The following GPC6 variants were observed in gnomAD, a reference collection of about 807,000 sequenced individuals.
GPC6 encodes the protein glypican 6.
GPC6 carries 14 observed loss-of-function variants against 55.2 expected under a neutral mutation model. The ratio of observed to expected loss-of-function variants is 0.25; its 90% CI spans 0.17 to 0.40. GPC6 has a LOEUF of 0.40. Among genes scored for constraint, GPC6 ranks in the 10% least tolerant of loss-of-function variants. The pLI is 1.00. For missense variants in GPC6, 641 were observed against 708.5 expected (o/e 0.90, Z 1.08); for synonymous variants, 278 against 259.6 (o/e 1.07, Z -0.68).
chr13:93,637,903 A>T (rs1879763858), intron 2 of GPC6, among the ~76,000 whole-genome samples: 1 of 152,156 alleles, frequency 6.6e-6, no homozygotes, highest in Non-Finnish European at 1.5e-5. Flanking sequence ...CATATTAGAG[A>T]TGACAAATGG....
chr13:94,088,330 T>C (rs1318487556), intron 4 of GPC6, among the ~76,000 whole-genome samples: 2 of 152,132 alleles, frequency 1.3e-5, no homozygotes, highest in African/African-American at 4.8e-5. Context: ...AATTTAATTA[T>C]TCTTGCATAG....
At chr13:94,221,590 T>C (rs548951811) in intron 4 of GPC6, among the ~76,000 whole-genome samples, 2 of 152,246 alleles carry the variant, frequency 1.3e-5, no homozygotes, top group African/African-American at 4.8e-5. Context: ...GCAGTATGAT[T>C]GCTTTTCAGT....
chr13:93,751,846 TC>T (rs1884604026), intron 2 of GPC6, among the ~76,000 whole-genome samples: 1 of 152,070 alleles, frequency 6.6e-6, no homozygotes, highest in Non-Finnish European at 1.5e-5. Flanking sequence ...TTTCTCTTCC[TC>T]CCCCATTGGC....
At chr13:94,188,468 A>G (rs987399405) in intron 4 of GPC6, among the ~76,000 whole-genome samples, 1 of 152,230 alleles carries the variant, frequency 6.6e-6, no homozygotes, top group Admixed American at 6.5e-5. Flanking sequence ...TTAGCCCAGC[A>G]TGCCTCAGAG....
chr13:94,117,805 A>C (rs1276262372), intron 4 of GPC6, among the ~76,000 whole-genome samples: 2 of 152,076 alleles, frequency 1.3e-5, no homozygotes, highest in Non-Finnish European at 2.9e-5. Flanking sequence ...ATTGGGGCAA[A>C]TGAATAACAC....
In GPC6 at chr13:93,501,446, G is replaced by C. The variant is rs1880516740; in HGVS notation, c.161-43817G>C. 2.0e-5 allele frequency among the ~76,000 whole-genome samples: 3 copies of C among 152,060 alleles called. No homozygotes were observed. In the South Asian group the frequency reaches 6.2e-4, roughly 32 times the overall value. Reference sequence around the variant, plus strand: ...TTATTTCTAGAACAGAAATTACTTTGCAAAATTTTCTATGAAATCTTCCCT... The same window carrying C: ...TTATTTCTAGAACAGAAATTACTTTCCAAAATTTTCTATGAAATCTTCCCT... On this transcript the variant is annotated intron_variant, in intron 1 of 8. Coordinates refer to ENST00000377047, the MANE Select transcript of GPC6 (RefSeq NM_005708.5).
rs142720840 is a variant in GPC6 at position 93,409,682 on chromosome 13, G to A, written c.161-135581G>A. ...AATAATATTAACAAGAATAGCTATG[G>A]CTAACATTTGTTGAGCTTTTTCTGT... On this transcript the variant is annotated intron_variant, in intron 1 of 8. Transcript: ENST00000377047. Among the ~76,000 whole-genome samples, 68 of 152,276 alleles carry A rather than the reference G, an allele frequency of 4.5e-4. No homozygotes were observed. The East Asian group carries it at 0.01, about 23-fold the overall frequency.
intron 2 of GPC6, among the ~76,000 whole-genome samples, chr13:93,682,727 G>A (rs1395561684): frequency 1.3e-5 from 2 of 151,496 alleles, no homozygotes; most frequent in Non-Finnish European, 2.9e-5. Flanking sequence ...AAATGAAATC[G>A]TCTAGGCTGA....
At chr13:93,431,562 C>A (rs1386958616) in intron 1 of GPC6, among the ~76,000 whole-genome samples, 1 of 151,996 alleles carries the variant, frequency 6.6e-6, no homozygotes, top group Admixed American at 6.6e-5. Flanking sequence ...AGACAAAAAT[C>A]TAGCTTAATT....
intron 4 of GPC6, among the ~76,000 whole-genome samples, chr13:94,091,387 T>C (rs1285286667): frequency 1.3e-5 from 2 of 152,200 alleles, no homozygotes; most frequent in Admixed American, 6.5e-5. Context: ...GTTATTTCTC[T>C]TCTTAAATGA....
At chr13:94,228,453 T>C (rs1890621652) in intron 4 of GPC6, among the ~76,000 whole-genome samples, 1 of 152,238 alleles carries the variant, frequency 6.6e-6, no homozygotes, top group Admixed American at 6.5e-5. Context: ...GAAAAATAAC[T>C]ATTTCTAGAA....
intron 4 of GPC6, among the ~76,000 whole-genome samples, chr13:94,124,363 A>G (rs1212763098): frequency 6.6e-6 from 1 of 152,102 alleles, no homozygotes; most frequent in Non-Finnish European, 1.5e-5. Flanking sequence ...CCCATCATGC[A>G]CTAAGTCTAA....
At chr13:93,453,735 G>C (rs1371241852) in intron 1 of GPC6, among the ~76,000 whole-genome samples, 1 of 151,806 alleles carries the variant, frequency 6.6e-6, no homozygotes. Flanking sequence ...CCTCCCGGTG[G>C]GCTCGTGGTC....
rs550763042 is a variant in GPC6, at chr13:93,980,765, C to T, written c.712-46964C>T. Among the ~76,000 whole-genome samples, 151 of 152,180 alleles carry T rather than the reference C, an allele frequency of 9.9e-4. 6 individuals carry two copies. In the South Asian group the frequency reaches 0.029, roughly 29 times the overall value. ...GGATATGGGGGTACAAATGTCTGGC[C>T]CCTTTGCCCAGAGGCAGGATTTACT... On this transcript the variant is annotated intron_variant, in intron 3 of 8. Coordinates refer to ENST00000377047, the MANE Select transcript of GPC6 (RefSeq NM_005708.5).
intron 3 of GPC6, among the ~76,000 whole-genome samples, chr13:93,985,201 G>A (rs1197225672): frequency 6.6e-6 from 1 of 152,134 alleles, no homozygotes; most frequent in Non-Finnish European, 1.5e-5. Context: ...TTGGGAGGCC[G>A]AGGTGACTGG....
chr13:94,122,569 A>C (rs994242945), intron 4 of GPC6, among the ~76,000 whole-genome samples: 3 of 152,106 alleles, frequency 2.0e-5, no homozygotes, highest in African/African-American at 7.2e-5. Context: ...CAGTTTTGGC[A>C]TGGGTAAGAA....
chr13:94,101,497 T>C (rs1885860271), intron 4 of GPC6, among the ~76,000 whole-genome samples: 1 of 152,202 alleles, frequency 6.6e-6, no homozygotes, highest in Non-Finnish European at 1.5e-5. Context: ...TAGCACCTTA[T>C]TTTGTCATGT....
At chr13:94,234,614 A>T (rs1890822573) in intron 4 of GPC6, among the ~76,000 whole-genome samples, 1 of 150,244 alleles carries the variant, frequency 6.7e-6, no homozygotes, top group African/African-American at 2.5e-5. Context: ...AGATCTCTTT[A>T]AAGAACTTCT....
intron 6 of GPC6, among the ~76,000 whole-genome samples, chr13:94,355,911 A>G (rs527548753): frequency 8.1e-4 from 124 of 152,184 alleles, no homozygotes; most frequent in Admixed American, 2.6e-3. Context: ...TGCATTAGCT[A>G]TTTATCCTGA....
Sources: gnomAD v4.1 joint callset for allele counts (sites outside exome capture counted in the v4.1 genomes callset) on GRCh38, gnomAD v4.1.1 for gene constraint, MANE v1.5 for transcripts, NCBI Gene and HGNC (gene_info 2026-07-23, HGNC 2026-07-21) for gene names.